Variants in CNKSR2 observed in about 807,000 individuals in gnomAD.
CNKSR2 encodes the protein CNK homolog protein 2.
Under a neutral mutation model 84.4 loss-of-function variants are expected in CNKSR2, and 14 were observed. The observed-to-expected ratio is 0.17, with a 90% CI of 0.11 to 0.26. The LOEUF is 0.26. Ranked by LOEUF, CNKSR2 falls within the 10% of genes least tolerant of loss-of-function variation. CNKSR2 has a pLI of 1.00. For synonymous variants in CNKSR2, 275 were observed against 277.9 expected (o/e 0.99, Z 0.10); for missense variants, 485 against 771.2 (o/e 0.63, Z 4.40).
chrX:21,516,731 A>G, intron 9 of CNKSR2, 100 bp downstream of exon 9: 2 of 754,995 alleles, frequency 2.6e-6, no homozygotes, highest in South Asian at 5.8e-5. Flanking sequence ...ATATGGATTA[A>G]TCTTGTATGC....
chrX:21,482,751 T>C (rs2091335079), intron 5 of CNKSR2, among the ~76,000 whole-genome samples: 1 of 111,730 alleles, frequency 9.0e-6, no homozygotes. Flanking sequence ...TATGAAATTC[T>C]TGAGTGTAGT....
chrX:21,605,375 G>A (rs1196184702), intron 18 of CNKSR2, among the ~76,000 whole-genome samples: 1 of 112,402 alleles, frequency 8.9e-6, no homozygotes, highest in Admixed American at 9.4e-5. Context: ...TACTCAAAAG[G>A]AATAATTAAA....
At chrX:21,448,565 A>T (rs1158679915) in intron 4 of CNKSR2, among the ~76,000 whole-genome samples, 2 of 111,836 alleles carry the variant, frequency 1.8e-5, no homozygotes, top group African/African-American at 6.5e-5. Flanking sequence ...AAAGCAGCAA[A>T]CCAAATAAAT....
rs1232540656 is a variant in CNKSR2, at chrX:21,430,757, C to G, written c.229-1855C>G. ...TAGTTATAAATTGTTCTTATCTAGT[C>G]ATTAGAGAGCATCTTTTATAAACAT... On this transcript the variant is annotated intron_variant, in intron 2 of 21. Transcript: ENST00000379510. 5.4e-5 allele frequency among the ~76,000 whole-genome samples: 6 copies of G among 111,541 alleles called. No individual in the cohort carries two copies. In the Admixed American group the frequency reaches 5.7e-4, roughly 11 times the overall value.
At chrX:21,599,883 T>G (rs1047393956) in intron 17 of CNKSR2, among the ~76,000 whole-genome samples, 2 of 111,323 alleles carry the variant, frequency 1.8e-5, no homozygotes, top group African/African-American at 6.5e-5. Flanking sequence ...ATGATTAGAG[T>G]CATTTTTAAA....
intron 13 of CNKSR2, among the ~76,000 whole-genome samples, chrX:21,567,462 A>G (rs749854017): frequency 1.7e-4 from 19 of 111,566 alleles, no homozygotes; most frequent in African/African-American, 2.9e-4. Context: ...AGTGTCTTCA[A>G]CCTGCAAACA....
intron 6 of CNKSR2, chrX:21,495,480 T>C (rs2091483995): frequency 9.1e-6 from 1 of 110,151 alleles, no homozygotes; most frequent in Non-Finnish European, 1.9e-5. Flanking sequence ...TCACAACCCT[T>C]ATATGTCAAA....
At chrX:21,614,376 TACAC>T (rs898398731) in intron 20 of CNKSR2, among the ~76,000 whole-genome samples, 2 of 111,948 alleles carry the variant, frequency 1.8e-5, no homozygotes, top group African/African-American at 6.5e-5. Context: ...ATAAATTATA[TACAC>T]ACACAAATAA....
At chrX:21,603,071 A>G (rs1434397169) in intron 18 of CNKSR2, among the ~76,000 whole-genome samples, 1 of 112,270 alleles carries the variant, frequency 8.9e-6, no homozygotes, top group African/African-American at 3.2e-5. Context: ...CTGGTAAGCT[A>G]TATAGTTGTA....
chrX:21,503,361 A>G, intron 8 of CNKSR2: 2 of 294,080 alleles, frequency 6.8e-6, no homozygotes, highest in Non-Finnish European at 1.2e-5. Flanking sequence ...GCATCTGTTT[A>G]CCTTTTTCTA....
At chrX:21,593,900 G>A (rs2092435763) in intron 15 of CNKSR2, 1 of 111,679 alleles carries the variant, frequency 9.0e-6, no homozygotes, top group Non-Finnish European at 1.9e-5. Context: ...CAGCCATTGT[G>A]GAAAGCAGTG....
intron 9 of CNKSR2, among the ~76,000 whole-genome samples, chrX:21,519,973 G>A (rs1601894527): frequency 1.8e-5 from 2 of 111,140 alleles, no homozygotes; most frequent in South Asian, 3.7e-4. Context: ...AGAATACCAC[G>A]TTTTAATTAA....
chrX:21,590,760 T>G, intron 14 of CNKSR2, 140 bp downstream of exon 14: 1 of 566,681 alleles, frequency 1.8e-6, no homozygotes, highest in Non-Finnish European at 2.8e-6. Flanking sequence ...GCTGCCAGCT[T>G]CTTCTTCAGT....
chrX:21,390,152 G>A (rs925492823), intron 1 of CNKSR2, among the ~76,000 whole-genome samples: 6 of 111,980 alleles, frequency 5.4e-5, no homozygotes, highest in African/African-American at 1.9e-4. Flanking sequence ...GGCAATTTGT[G>A]TGGGAATGTT....
At chrX:21,483,251 T>A (rs2091341135) in intron 5 of CNKSR2, among the ~76,000 whole-genome samples, 1 of 111,025 alleles carries the variant, frequency 9.0e-6, no homozygotes, top group Non-Finnish European at 1.9e-5. Context: ...AAATGATGAG[T>A]TCACGTCCTT....
chrX:21,568,943 G>A (rs996695545), intron 13 of CNKSR2, among the ~76,000 whole-genome samples: 1 of 111,650 alleles, frequency 9.0e-6, no homozygotes, highest in Non-Finnish European at 1.9e-5. Context: ...GTAAAGCCCA[G>A]TCTAAGTGCA....
intron 6 of CNKSR2, among the ~76,000 whole-genome samples, chrX:21,497,214 G>A (rs190512424): frequency 2.7e-5 from 3 of 110,868 alleles, no homozygotes; most frequent in East Asian, 2.8e-4. Flanking sequence ...TTTAATTATC[G>A]ATGTAGATAT....
intron 1 of CNKSR2, among the ~76,000 whole-genome samples, chrX:21,377,990 A>C (rs2089843832): frequency 8.9e-6 from 1 of 111,819 alleles, no homozygotes; most frequent in Non-Finnish European, 1.9e-5. Context: ...GTTAGTAGTA[A>C]AAATATAAGG....
intron 7 of CNKSR2, among the ~76,000 whole-genome samples, chrX:21,501,311 T>A (rs975288424): frequency 2.7e-5 from 3 of 109,732 alleles, no homozygotes; most frequent in Non-Finnish European, 1.9e-5. Flanking sequence ...TTTTTATTAA[T>A]TTTTTTCTTT....
Sources: allele counts gnomAD v4.1 joint callset (sites outside exome capture counted in the v4.1 genomes callset), GRCh38; gene constraint gnomAD v4.1.1; transcripts MANE v1.5; gene names NCBI Gene and HGNC (gene_info 2026-07-23, HGNC 2026-07-21).